The following PARD3 variants were observed in gnomAD, a reference collection of about 807,000 sequenced individuals.
PARD3 encodes partitioning defective 3 homolog.
In PARD3, 75 loss-of-function variants were observed where a neutral mutation model predicts 155.4. The ratio of observed to expected loss-of-function variants is 0.48; its 90% CI spans 0.40 to 0.58. The LOEUF (loss-of-function observed/expected upper bound fraction) is 0.58. PARD3 is among the 20% of genes least tolerant of loss of function. The pLI is 0.00. For synonymous variants in PARD3, 576 were observed against 610.5 expected, an observed-to-expected ratio of 0.94 and a Z score of 0.83; for missense variants, 1,642 against 1,721.7, an observed-to-expected ratio of 0.95 and a Z score of 0.82.
chr10:34,724,464 A>G (rs2094664577), intron 1 of PARD3, among the ~76,000 whole-genome samples: 1 of 152,198 alleles, frequency 6.6e-6, no homozygotes, highest in Non-Finnish European at 1.5e-5. Flanking sequence ...ACTTGCTGGT[A>G]AATTTCTAAA....
chr10:34,283,399 A>G (rs909601428), intron 21 of PARD3, among the ~76,000 whole-genome samples: 4 of 152,160 alleles, frequency 2.6e-5, no homozygotes, highest in Non-Finnish European at 4.4e-5. Flanking sequence ...GTGAACCTGT[A>G]AACTCTAATA....
chr10:34,542,233 G>A (rs372945684), intron 2 of PARD3, among the ~76,000 whole-genome samples: 1,274 of 8,456 alleles, frequency 0.15, 51 homozygotes, highest in South Asian at 0.21. Context: ...GTGTGTGTGT[G>A]TGTGTGCACA....
At chr10:34,523,775 A>G (rs565882207) in intron 2 of PARD3, among the ~76,000 whole-genome samples, 8 of 152,332 alleles carry the variant, frequency 5.3e-5, no homozygotes, top group African/African-American at 1.4e-4. Context: ...GGAGTTGGAG[A>G]TACATGCATT....
At chr10:34,601,809 T>C (rs926327542) in intron 2 of PARD3, among the ~76,000 whole-genome samples, 1 of 152,232 alleles carries the variant, frequency 6.6e-6, no homozygotes. Context: ...TCATTCTACA[T>C]GGGCCCTTGG....
chr10:34,312,292 A>G, intron 20 of PARD3: 2 of 1,606,004 alleles, frequency 1.2e-6, no homozygotes, highest in Non-Finnish European at 1.7e-6. Context: ...TGTTTGTTTA[A>G]AAAAAACAAC....
chr10:34,675,065 A>G (rs2093679626), intron 2 of PARD3, among the ~76,000 whole-genome samples: 1 of 152,206 alleles, frequency 6.6e-6, no homozygotes, highest in Non-Finnish European at 1.5e-5. Context: ...AATTACCTCA[A>G]GGCCTTACAA....
chr10:34,158,464 G>A lies in PARD3; in HGVS notation c.3420-26881C>T, dbSNP rs568247272. 1.4e-4 allele frequency among the ~76,000 whole-genome samples: 22 copies of A among 152,292 alleles called. No homozygotes were observed. The East Asian group carries it at 2.9e-3, about 20-fold the overall frequency. ...TGTTACCCATGTGGCTAAGGCTAGGGTGAAAGCTAAGCAAGACGCAGGGTG... is the reference window on the plus strand; with the variant it reads ...TGTTACCCATGTGGCTAAGGCTAGGATGAAAGCTAAGCAAGACGCAGGGTG... On this transcript the variant is annotated intron_variant, in intron 22 of 24. Coordinates refer to ENST00000374788, the MANE Select transcript of PARD3 (RefSeq NM_001184785.2).
chr10:34,613,962 AACATTAAG>A (rs2091084000), intron 2 of PARD3, among the ~76,000 whole-genome samples: 1 of 152,222 alleles, frequency 6.6e-6, no homozygotes, highest in South Asian at 2.1e-4. Context: ...AACTATAGCA[AACATTAAG>A]AATGTACTAC....
chr10:34,125,045 T>C (rs1947202087), intron 23 of PARD3, among the ~76,000 whole-genome samples: 1 of 151,318 alleles, frequency 6.6e-6, no homozygotes, highest in Non-Finnish European at 1.5e-5. Context: ...TCTCTGCAGA[T>C]GGCTTATCTC....
chr10:34,578,665 G>A (rs1009745875), intron 2 of PARD3, among the ~76,000 whole-genome samples: 1 of 152,146 alleles, frequency 6.6e-6, no homozygotes, highest in Non-Finnish European at 1.5e-5. Context: ...ACTTTGTGGA[G>A]CTAGAATTCA....
At chr10:34,574,929 G>A (rs1205331304) in intron 2 of PARD3, among the ~76,000 whole-genome samples, 3 of 152,142 alleles carry the variant, frequency 2.0e-5, no homozygotes, top group African/African-American at 4.8e-5. Flanking sequence ...AGTTTCCACA[G>A]GAGTCTTTAT....
intron 2 of PARD3, among the ~76,000 whole-genome samples, chr10:34,573,493 G>C (rs994686576): frequency 2.0e-5 from 3 of 152,102 alleles, no homozygotes; most frequent in Non-Finnish European, 4.4e-5. Flanking sequence ...CCTGAGCTCA[G>C]CAGTTCAAGA....
intron 1 of PARD3, among the ~76,000 whole-genome samples, chr10:34,709,106 G>A (rs1417482363): frequency 3.3e-5 from 5 of 152,086 alleles, no homozygotes; most frequent in Non-Finnish European, 7.4e-5. Flanking sequence ...AAGTGTTTCA[G>A]ATTTCCATTT....
intron 22 of PARD3, among the ~76,000 whole-genome samples, chr10:34,258,792 C>T (rs1439337015): frequency 6.6e-6 from 1 of 152,140 alleles, no homozygotes; most frequent in Non-Finnish European, 1.5e-5. Flanking sequence ...CACAGTGGCT[C>T]ACATCTACAA....
At chr10:34,117,901 ACT>A in intron 24 of PARD3, among the ~76,000 whole-genome samples, 1 of 152,194 alleles carries the variant, frequency 6.6e-6, no homozygotes, top group South Asian at 2.1e-4. Flanking sequence ...ACAGAACAAG[ACT>A]CTGTCTCAAA....
chr10:34,343,522 G>T (rs1179890627), intron 15 of PARD3: 2 of 985,046 alleles, frequency 2.0e-6, no homozygotes, highest in African/African-American at 1.7e-5. Context: ...TCTCACCCAT[G>T]ATTTGAAAGG....
intron 18 of PARD3, among the ~76,000 whole-genome samples, chr10:34,332,072 A>C (rs1453323605): frequency 2.0e-5 from 3 of 152,206 alleles, no homozygotes; most frequent in Non-Finnish European, 4.4e-5. Context: ...CCTGGGAACA[A>C]TATGTTTGAA....
intron 22 of PARD3, among the ~76,000 whole-genome samples, chr10:34,142,831 G>A (rs1222825743): frequency 6.6e-6 from 1 of 152,216 alleles, no homozygotes; most frequent in Non-Finnish European, 1.5e-5. Flanking sequence ...ACTGAAGAAA[G>A]TTTGTGGATT....
intron 2 of PARD3, among the ~76,000 whole-genome samples, chr10:34,585,327 T>C (rs998110064): frequency 1.3e-5 from 2 of 152,080 alleles, no homozygotes; most frequent in South Asian, 2.1e-4. Context: ...GGTTTTTGTA[T>C]GATGATTACT....
Sources: gnomAD v4.1 joint callset for allele counts (sites outside exome capture counted in the v4.1 genomes callset) on GRCh38, gnomAD v4.1.1 for gene constraint, MANE v1.5 for transcripts, NCBI Gene and HGNC (gene_info 2026-07-23, HGNC 2026-07-21) for gene names.